The following TMEM244 variants were observed in gnomAD, a reference collection of about 807,000 sequenced individuals.
The protein encoded by TMEM244 is putative transmembrane protein 244.
TMEM244 carries 13 observed loss-of-function variants against 15.8 expected under a neutral mutation model. That is an observed-to-expected ratio of 0.82 (90% CI 0.53 to 1.30). The LOEUF is 1.30. Among genes scored for constraint, TMEM244 ranks in the 50% most tolerant of loss-of-function variants. The probability of loss-of-function intolerance (pLI) is 0.00; values close to 1 mark genes in which losing one functional copy is unlikely to be tolerated. For synonymous variants in TMEM244, 45 were observed against 48.7 expected, an observed-to-expected ratio of 0.92 and a Z score of 0.32; for missense variants, 161 against 144.9, an observed-to-expected ratio of 1.11 and a Z score of -0.57.
chr6:129,847,413 G>C (rs1179634502), intron 1 of TMEM244, among the ~76,000 whole-genome samples: 2 of 152,144 alleles, frequency 1.3e-5, no homozygotes, highest in Non-Finnish European at 2.9e-5. Flanking sequence ...ATTTTCACTT[G>C]CCTAGGTACA....
At chr6:129,854,182 C>G (rs1776672899) in intron 1 of TMEM244, among the ~76,000 whole-genome samples, 3 of 152,130 alleles carry the variant, frequency 2.0e-5, no homozygotes, top group South Asian at 4.2e-4. Context: ...TGTGTAGTGT[C>G]TGGTGTGGTT....
Position 129,839,716 on chromosome 6 carries a change from G to A in TMEM244, c.193+3814C>T, listed in dbSNP as rs200003923. On this transcript the variant is annotated intron_variant, in intron 3 of 4. Coordinates refer to ENST00000368143, the MANE Select transcript of TMEM244 (RefSeq NM_001010876.2). ...GCCCAAAGTCTCCTTAAGCTGATAA[G>A]CAACTTCAGCAAAGTCTCAGGATAC... 2.0e-4 allele frequency among the ~76,000 whole-genome samples: 30 copies of A among 152,294 alleles called. No homozygotes were observed. The East Asian group carries it at 5.0e-3, about 25-fold the overall frequency.
At chr6:129,854,335 G>A (rs967522235) in intron 1 of TMEM244, among the ~76,000 whole-genome samples, 1 of 152,158 alleles carries the variant, frequency 6.6e-6, no homozygotes, top group African/African-American at 2.4e-5. Flanking sequence ...AGGCCACACT[G>A]AACAGTACCC....
At chr6:129,840,268 T>C (rs1484113146) in intron 3 of TMEM244, among the ~76,000 whole-genome samples, 1 of 152,166 alleles carries the variant, frequency 6.6e-6, no homozygotes, top group East Asian at 1.9e-4. Context: ...GCCTCAAGAA[T>C]AACACCACAC....
chr6:129,835,956 C>T (rs1357209991), intron 3 of TMEM244, among the ~76,000 whole-genome samples: 1 of 152,186 alleles, frequency 6.6e-6, no homozygotes, highest in Non-Finnish European at 1.5e-5. Flanking sequence ...GGCCTACTGC[C>T]TCTATAGATT....
chr6:129,841,449 T>G (rs1776490157), intron 3 of TMEM244, among the ~76,000 whole-genome samples: 1 of 151,748 alleles, frequency 6.6e-6, no homozygotes, highest in East Asian at 1.9e-4. Context: ...GTGGATAGCA[T>G]TAGGAGAAAT....
intron 3 of TMEM244, among the ~76,000 whole-genome samples, chr6:129,841,484 G>A (rs1176929344): frequency 6.6e-6 from 1 of 151,922 alleles, no homozygotes; most frequent in Admixed American, 6.6e-5. Context: ...ACGAGTTGAT[G>A]GGTGCAGCAA....
intron 3 of TMEM244, among the ~76,000 whole-genome samples, chr6:129,842,653 T>C (rs1284945596): frequency 6.6e-6 from 1 of 152,070 alleles, no homozygotes; most frequent in African/African-American, 2.4e-5. Context: ...GGGAAAAACT[T>C]AACAAAATAT....
At chr6:129,839,963 A>G (rs1355296961) in intron 3 of TMEM244, among the ~76,000 whole-genome samples, 1 of 152,258 alleles carries the variant, frequency 6.6e-6, no homozygotes, top group African/African-American at 2.4e-5. Flanking sequence ...TTCCATGCTC[A>G]TGAATAGGAA....
At chr6:129,853,078 T>C (rs1776656570) in intron 1 of TMEM244, among the ~76,000 whole-genome samples, 1 of 152,164 alleles carries the variant, frequency 6.6e-6, no homozygotes, top group Admixed American at 6.5e-5. Flanking sequence ...TCTAATTATC[T>C]GGCACATCAC....
intron 3 of TMEM244, among the ~76,000 whole-genome samples, chr6:129,839,993 G>A (rs1776465567): frequency 6.6e-6 from 1 of 152,150 alleles, no homozygotes; most frequent in Non-Finnish European, 1.5e-5. Flanking sequence ...TCGTGAAAAT[G>A]GCCATACTGC....
intron 1 of TMEM244, among the ~76,000 whole-genome samples, chr6:129,856,185 A>G (rs935374656): frequency 2.6e-5 from 4 of 152,210 alleles, no homozygotes; most frequent in East Asian, 3.9e-4. Flanking sequence ...AGTTTGACCA[A>G]TTTGAGCACC....
chr6:129,838,673 G>C (rs1776443423), intron 3 of TMEM244, among the ~76,000 whole-genome samples: 7 of 151,964 alleles, frequency 4.6e-5, no homozygotes, highest in Admixed American at 4.6e-4. Context: ...CAACAAAATA[G>C]ACCACTAGCA....
chr6:129,855,744 G>A (rs1776696994), intron 1 of TMEM244, among the ~76,000 whole-genome samples: 1 of 152,192 alleles, frequency 6.6e-6, no homozygotes, highest in Middle Eastern at 3.4e-3. Flanking sequence ...TGTATCTTAT[G>A]AGAAGATGCA....
chr6:129,835,838 A>G (rs1056372039), intron 3 of TMEM244, among the ~76,000 whole-genome samples: 1 of 148,740 alleles, frequency 6.7e-6, no homozygotes, highest in African/African-American at 2.5e-5. Flanking sequence ...GCGACGCTGC[A>G]TCTTGATGTG....
At chr6:129,854,957 G>A (rs1265012326) in intron 1 of TMEM244, among the ~76,000 whole-genome samples, 1 of 152,140 alleles carries the variant, frequency 6.6e-6, no homozygotes, top group Admixed American at 6.6e-5. Flanking sequence ...TGGCCTTTAA[G>A]TGGTTCACAA....
chr6:129,856,993 T>G (rs1776721764), intron 1 of TMEM244, among the ~76,000 whole-genome samples: 1 of 152,042 alleles, frequency 6.6e-6, no homozygotes, highest in South Asian at 2.1e-4. Context: ...TTTTACACAC[T>G]TCCTGTTAAG....
chr6:129,834,997 C>T (rs749616947), intron 3 of TMEM244, among the ~76,000 whole-genome samples: 2 of 149,906 alleles, frequency 1.3e-5, no homozygotes, highest in Non-Finnish European at 2.9e-5. Context: ...ATAGAGAATA[C>T]TTATGCTTTG....
chr6:129,848,342 G>A (rs904985113), intron 1 of TMEM244, among the ~76,000 whole-genome samples: 8 of 152,146 alleles, frequency 5.3e-5, no homozygotes, highest in Admixed American at 2.0e-4. Flanking sequence ...CTCATTGTCC[G>A]CCACAGGGCC....
Sources: allele counts gnomAD v4.1 joint callset (sites outside exome capture counted in the v4.1 genomes callset), GRCh38; gene constraint gnomAD v4.1.1; transcripts MANE v1.5; gene names NCBI Gene and HGNC (gene_info 2026-07-23, HGNC 2026-07-21).